EXOC6: variants seen among roughly 807,000 people sequenced by gnomAD.
The protein encoded by EXOC6 is SEC15-like 1.
In EXOC6, 60 loss-of-function variants were observed where a neutral mutation model predicts 112.5. That is an observed-to-expected ratio of 0.53 (90% CI 0.43 to 0.66). The LOEUF (loss-of-function observed/expected upper bound fraction) is 0.66, where lower values mean the gene tolerates loss of function less well. Ranked by LOEUF, EXOC6 falls within the 30% of genes least tolerant of loss-of-function variation. EXOC6 has a pLI of 0.00. For missense variants in EXOC6, 855 were observed against 957.1 expected (o/e 0.89, Z 1.41); for synonymous variants, 295 against 308.0 (o/e 0.96, Z 0.44).
intron 1 of EXOC6, among the ~76,000 whole-genome samples, chr10:92,850,295 T>C (rs200165176): frequency 6.6e-6 from 1 of 152,262 alleles, no homozygotes; most frequent in Non-Finnish European, 1.5e-5. Context: ...TGTGTATTCA[T>C]AGTGTTATTC....
intron 1 of EXOC6, among the ~76,000 whole-genome samples, chr10:92,829,438 A>G (rs1046825128): frequency 5.3e-5 from 8 of 152,096 alleles, no homozygotes; most frequent in African/African-American, 1.9e-4. Context: ...ACCTCACTCC[A>G]TACGTGTCCA....
chr10:92,975,285 C>G (rs1842474898), intron 18 of EXOC6, among the ~76,000 whole-genome samples: 1 of 151,640 alleles, frequency 6.6e-6, no homozygotes, highest in South Asian at 2.1e-4. Context: ...AGGAGCGTCT[C>G]TGCTCGGCCG....
At chr10:93,022,968 T>C (rs1463655491) in intron 20 of EXOC6, among the ~76,000 whole-genome samples, 2 of 151,712 alleles carry the variant, frequency 1.3e-5, no homozygotes, top group Non-Finnish European at 2.9e-5. Context: ...TACATTTCAG[T>C]TGGGGTTCTT....
intron 18 of EXOC6, among the ~76,000 whole-genome samples, chr10:92,984,956 A>G (rs569880218): frequency 2.0e-5 from 3 of 152,238 alleles, no homozygotes; most frequent in African/African-American, 7.2e-5. Context: ...CCATGATTGC[A>G]TCACTGCACT....
chr10:92,868,589 G>C (rs754060160), intron 1 of EXOC6, among the ~76,000 whole-genome samples: 4 of 152,046 alleles, frequency 2.6e-5, no homozygotes, highest in African/African-American at 4.8e-5. Context: ...AACACTCAAA[G>C]TATTTGATTG....
intron 8 of EXOC6, among the ~76,000 whole-genome samples, chr10:92,927,733 T>A (rs1851804538): frequency 6.6e-6 from 1 of 152,162 alleles, no homozygotes; most frequent in Non-Finnish European, 1.5e-5. Flanking sequence ...TACAGGTTGC[T>A]ATGAGAGAAC....
intron 19 of EXOC6, among the ~76,000 whole-genome samples, chr10:93,003,918 A>G (rs912427201): frequency 6.6e-6 from 1 of 152,158 alleles, no homozygotes; most frequent in African/African-American, 2.4e-5. Context: ...TGATAAGACA[A>G]TGTTTAGGGA....
At chr10:92,968,745 T>C (rs1264986571) in intron 17 of EXOC6, among the ~76,000 whole-genome samples, 1 of 152,214 alleles carries the variant, frequency 6.6e-6, no homozygotes, top group Non-Finnish European at 1.5e-5. Context: ...GTTTTAATTA[T>C]AGAAGCTTGT....
At chr10:93,045,371 G>GGT (rs1845961663) in intron 20 of EXOC6, among the ~76,000 whole-genome samples, 1 of 152,208 alleles carries the variant, frequency 6.6e-6, no homozygotes, top group African/African-American at 2.4e-5. Flanking sequence ...TAACCATTGA[G>GGT]GTGGGGCAAG....
chr10:92,931,756 T>A (rs1313571489), intron 9 of EXOC6, among the ~76,000 whole-genome samples: 1 of 151,990 alleles, frequency 6.6e-6, no homozygotes. Flanking sequence ...GCATACTTAC[T>A]AGAATGACTA....
intron 13 of EXOC6, among the ~76,000 whole-genome samples, chr10:92,944,461 T>C (rs1448610314): frequency 6.6e-6 from 1 of 152,072 alleles, no homozygotes; most frequent in Non-Finnish European, 1.5e-5. Context: ...GGTTTCAAAC[T>C]CTGACCTCAA....
At chr10:92,865,555 C>T (rs1278610298) in intron 1 of EXOC6, among the ~76,000 whole-genome samples, 1 of 152,050 alleles carries the variant, frequency 6.6e-6, no homozygotes, top group African/African-American at 2.4e-5. Flanking sequence ...CGATCTCTCG[C>T]CTCAGCCTCC....
At chr10:93,041,896 A>G (rs1180608393) in intron 20 of EXOC6, among the ~76,000 whole-genome samples, 2 of 152,090 alleles carry the variant, frequency 1.3e-5, no homozygotes. Flanking sequence ...ATTTTTGTAG[A>G]GAGAGGATTT....
At chr10:93,024,117 A>G (rs919478091) in intron 20 of EXOC6, among the ~76,000 whole-genome samples, 1 of 152,202 alleles carries the variant, frequency 6.6e-6, no homozygotes, top group African/African-American at 2.4e-5. Context: ...ATCCTGTTGC[A>G]TTTTGTGAGA....
chr10:92,927,508 A>G (rs1156368531), intron 8 of EXOC6, among the ~76,000 whole-genome samples: 1 of 152,220 alleles, frequency 6.6e-6, no homozygotes, highest in Non-Finnish European at 1.5e-5. Context: ...AGTTATATGT[A>G]GTTACTAAAA....
chr10:92,925,603 A>G (rs1399487967), intron 8 of EXOC6, among the ~76,000 whole-genome samples: 1 of 151,988 alleles, frequency 6.6e-6, no homozygotes, highest in African/African-American at 2.4e-5. Flanking sequence ...CGTTGGTGAT[A>G]TTATGGTGTA....
At chr10:93,036,926 T>G (rs835275) in intron 20 of EXOC6, among the ~76,000 whole-genome samples, 1 of 152,090 alleles carries the variant, frequency 6.6e-6, no homozygotes, top group East Asian at 1.9e-4. Flanking sequence ...TGTTTTCAAT[T>G]ATCAATATTC....
At chr10:93,016,206 C>A (rs1031086170) in intron 20 of EXOC6, among the ~76,000 whole-genome samples, 1 of 152,148 alleles carries the variant, frequency 6.6e-6, no homozygotes, top group Non-Finnish European at 1.5e-5. Context: ...ATGGTCTCAG[C>A]TCACTGCAGC....
intron 18 of EXOC6, among the ~76,000 whole-genome samples, chr10:92,990,958 A>T (rs1394770483): frequency 6.6e-6 from 1 of 152,170 alleles, no homozygotes; most frequent in East Asian, 1.9e-4. Context: ...TTCATGAGTG[A>T]CAAAGACCTA....
Sources: allele counts gnomAD v4.1 joint callset (sites outside exome capture counted in the v4.1 genomes callset), GRCh38; gene constraint gnomAD v4.1.1; transcripts MANE v1.5; gene names NCBI Gene and HGNC (gene_info 2026-07-23, HGNC 2026-07-21).